The following CCSER1 variants were observed in gnomAD, a reference collection of about 807,000 sequenced individuals.
CCSER1 encodes coiled-coil serine rich protein 1, also known as serine-rich coiled-coil domain-containing protein 1.
CCSER1 carries 41 observed loss-of-function variants against 82.0 expected under a neutral mutation model. That is an observed-to-expected ratio of 0.50 (90% CI 0.39 to 0.65). The LOEUF (loss-of-function observed/expected upper bound fraction) is 0.65, where lower values mean the gene tolerates loss of function less well. Among genes scored for constraint, CCSER1 ranks in the 30% least tolerant of loss-of-function variants. The pLI is 0.00. For missense variants in CCSER1, 1,119 were observed against 1,064.2 expected (o/e 1.05, Z -0.72); for synonymous variants, 414 against 383.9 (o/e 1.08, Z -0.92).
intron 10 of CCSER1, among the ~76,000 whole-genome samples, chr4:91,579,945 AAGT>A (rs1229240448): frequency 2.6e-5 from 4 of 151,860 alleles, no homozygotes; most frequent in Admixed American, 2.0e-4. Flanking sequence ...CCTAGCTCTA[AAGT>A]AGCGTGATGC....
At chr4:91,574,500 C>T (rs1227019077) in intron 10 of CCSER1, among the ~76,000 whole-genome samples, 1 of 151,736 alleles carries the variant, frequency 6.6e-6, no homozygotes, top group African/African-American at 2.4e-5. Context: ...ATCTAGGTGC[C>T]CATTAACACT....
chr4:90,203,389 C>T (rs1298253202), intron 1 of CCSER1, among the ~76,000 whole-genome samples: 1 of 152,078 alleles, frequency 6.6e-6, no homozygotes, highest in Admixed American at 6.5e-5. Context: ...ATGTTCCCCT[C>T]CCTGTGTCCA....
intron 7 of CCSER1, among the ~76,000 whole-genome samples, chr4:90,803,080 G>A (rs1290562949): frequency 6.6e-6 from 1 of 152,112 alleles, no homozygotes; most frequent in Non-Finnish European, 1.5e-5. Flanking sequence ...AGAAAGTCAT[G>A]ATGACTCAAT....
chr4:90,636,045 G>T (rs967762077), intron 6 of CCSER1, among the ~76,000 whole-genome samples: 1 of 151,550 alleles, frequency 6.6e-6, no homozygotes, highest in African/African-American at 2.4e-5. Context: ...TTCAAAAAAA[G>T]GCTGATAAAA....
chr4:91,149,420 C>T (rs527323410), intron 10 of CCSER1, among the ~76,000 whole-genome samples: 57 of 152,256 alleles, frequency 3.7e-4, no homozygotes, highest in Non-Finnish European at 7.1e-4. Flanking sequence ...TTCTCCCATT[C>T]TGTAGGTTGC....
intron 5 of CCSER1, among the ~76,000 whole-genome samples, chr4:90,495,576 A>G (rs950510749): frequency 1.3e-5 from 2 of 152,210 alleles, no homozygotes; most frequent in Non-Finnish European, 2.9e-5. Flanking sequence ...AATACAATTA[A>G]TTACATTTGT....
intron 3 of CCSER1, among the ~76,000 whole-genome samples, chr4:90,341,216 T>C (rs972591370): frequency 1.3e-5 from 2 of 152,120 alleles, no homozygotes; most frequent in Non-Finnish European, 2.9e-5. Context: ...ATAGCATCTT[T>C]ACTGCTGCAT....
intron 9 of CCSER1, among the ~76,000 whole-genome samples, chr4:90,979,034 T>TTAGTTTTTATTGGTA: frequency 6.6e-6 from 1 of 151,806 alleles, no homozygotes; most frequent in East Asian, 1.9e-4. Context: ...AACAACTACT[T>TTAGTTTTTATTGGTA]CCAAGCACCC....
intron 8 of CCSER1, among the ~76,000 whole-genome samples, chr4:90,897,943 A>G (rs566179113): frequency 1.3e-5 from 2 of 152,044 alleles, no homozygotes; most frequent in African/African-American, 4.8e-5. Flanking sequence ...ACCTTTGCCC[A>G]CTTTTTGATG....
intron 10 of CCSER1, among the ~76,000 whole-genome samples, chr4:91,207,947 T>G (rs1736480766): frequency 6.6e-6 from 1 of 152,048 alleles, no homozygotes; most frequent in South Asian, 2.1e-4. Flanking sequence ...GGTATGTCAT[T>G]GTGGTTTTGA....
intron 8 of CCSER1, among the ~76,000 whole-genome samples, chr4:90,920,715 C>T (rs765417021): frequency 4.0e-5 from 6 of 151,862 alleles, no homozygotes; most frequent in African/African-American, 9.6e-5. Flanking sequence ...CTATAGAATG[C>T]GAATTGTCTT....
intron 10 of CCSER1, among the ~76,000 whole-genome samples, chr4:91,465,568 G>A (rs535878023): frequency 3.0e-4 from 46 of 152,238 alleles, no homozygotes; most frequent in African/African-American, 1.0e-3. Flanking sequence ...CCAGGAGCTG[G>A]TTTTTTGAAA....
rs529807755 is a variant in CCSER1 at position 91,200,094 on chromosome 4, A to G, written c.2217+114100A>G. ...CAGCAAACAGTGGATGAATGTGTCT[A>G]TGGAGAGCATTGTTTCAAAATGTTT... On this transcript the variant is annotated intron_variant, in intron 10 of 10. Transcript: ENST00000509176. Among the ~76,000 whole-genome samples, 76 of 152,060 alleles carry G rather than the reference A, an allele frequency of 5.0e-4. 1 individual carries two copies. Among genetic ancestry groups the G allele is most frequent in the Non-Finnish European group, 1.6e-4 (11 of 67,938 alleles).
chr4:91,171,676 T>C (rs1488689898), intron 10 of CCSER1, among the ~76,000 whole-genome samples: 3 of 152,154 alleles, frequency 2.0e-5, no homozygotes, highest in South Asian at 2.1e-4. Context: ...ATGACACTTC[T>C]CTATACTATT....
At chr4:90,865,547 A>G (rs1260610079) in intron 8 of CCSER1, among the ~76,000 whole-genome samples, 1 of 152,042 alleles carries the variant, frequency 6.6e-6, no homozygotes, top group Admixed American at 6.6e-5. Context: ...TGGAAACATT[A>G]GACTTAGTAT....
At chr4:90,850,194 T>G (rs930504198) in intron 8 of CCSER1, among the ~76,000 whole-genome samples, 2 of 152,196 alleles carry the variant, frequency 1.3e-5, no homozygotes, top group African/African-American at 2.4e-5. Flanking sequence ...AACCTCTGCC[T>G]AGATTTCAGA....
At chr4:90,892,725 C>G (rs770225953) in intron 8 of CCSER1, among the ~76,000 whole-genome samples, 2 of 151,960 alleles carry the variant, frequency 1.3e-5, no homozygotes, top group Non-Finnish European at 2.9e-5. Context: ...TTAAAAAATA[C>G]ATATATAATC....
chr4:90,457,414 C>T (rs1488429654), intron 4 of CCSER1, among the ~76,000 whole-genome samples: 4 of 152,230 alleles, frequency 2.6e-5, no homozygotes, highest in Non-Finnish European at 4.4e-5. Context: ...TTCAGCAGGT[C>T]CCAAGTACTT....
chr4:91,409,754 C>G (rs994000009), intron 10 of CCSER1, among the ~76,000 whole-genome samples: 2 of 152,108 alleles, frequency 1.3e-5, no homozygotes, highest in Admixed American at 1.3e-4. Context: ...TGGCACTCAG[C>G]TCACTGAAAT....
Sources: allele counts gnomAD v4.1 joint callset (sites outside exome capture counted in the v4.1 genomes callset), GRCh38; gene constraint gnomAD v4.1.1; transcripts MANE v1.5; gene names NCBI Gene and HGNC (gene_info 2026-07-23, HGNC 2026-07-21).